The following TSPAN15 variants were observed in gnomAD, a reference collection of about 807,000 sequenced individuals.
The protein encoded by TSPAN15 is tetraspanin-15.
Under a neutral mutation model 34.5 loss-of-function variants are expected in TSPAN15, and 20 were observed. The observed-to-expected ratio is 0.58, with a 90% CI of 0.41 to 0.84. TSPAN15 has a LOEUF of 0.84. Among genes scored for constraint, TSPAN15 ranks in the 40% least tolerant of loss-of-function variants. The pLI is 0.00. For missense variants in TSPAN15, 313 were observed against 386.1 expected (o/e 0.81, Z 1.59); for synonymous variants, 155 against 153.9 (o/e 1.01, Z -0.05).
chr10:69,528,947 G>T, the TSPAN15 span, among the ~76,000 whole-genome samples: 2 of 148,082 alleles, frequency 1.4e-5, no homozygotes, highest in African/African-American at 4.9e-5. Flanking sequence ...ACTCCAGTCC[G>T]TGGGACCGGC....
chr10:69,484,024 T>C, intron 2 of TSPAN15, 148 bp downstream of exon 2: 1 of 768,402 alleles, frequency 1.3e-6, no homozygotes, highest in Non-Finnish European at 2.0e-6. Flanking sequence ...CTGACCACAC[T>C]GGCCCAAGAA....
At chr10:69,508,640 TAACA>T (rs138034580), downstream of TSPAN15, among the ~76,000 whole-genome samples, 1 of 151,772 alleles carries the variant, frequency 6.6e-6, no homozygotes, top group Non-Finnish European at 1.5e-5. Context: ...AACACAACAA[TAACA>T]AACACACCAT....
intron 1 of TSPAN15, among the ~76,000 whole-genome samples, chr10:69,471,839 A>C (rs57896678): frequency 0.062 from 9,446 of 152,150 alleles, 1,013 homozygotes; most frequent in African/African-American, 0.22. Context: ...GTGAACCTTC[A>C]ACTTCCACTT....
intron 1 of TSPAN15, among the ~76,000 whole-genome samples, chr10:69,457,240 G>T (rs1045286101): frequency 6.6e-6 from 1 of 152,216 alleles, no homozygotes; most frequent in Admixed American, 6.5e-5. Context: ...CCTGGGGCCT[G>T]TGCACACAGT....
At chr10:69,539,464 G>GAAGAAGAAGAAGA in the TSPAN15 span, among the ~76,000 whole-genome samples, 34 of 51,332 alleles carry the variant, frequency 6.6e-4, no homozygotes, top group South Asian at 3.8e-3. Flanking sequence ...GAAGAAGAAG[G>GAAGAAGAAGAAGA]AGAAGGAGAA....
At chr10:69,453,246 C>T (rs954665886) in intron 1 of TSPAN15, among the ~76,000 whole-genome samples, 21 of 152,018 alleles carry the variant, frequency 1.4e-4, no homozygotes, top group South Asian at 6.2e-4. Flanking sequence ...TATAAATCAG[C>T]GGTTGCATCA....
the TSPAN15 span, among the ~76,000 whole-genome samples, chr10:69,518,540 C>T: frequency 5.3e-5 from 8 of 152,342 alleles, no homozygotes; most frequent in Non-Finnish European, 1.2e-4. Flanking sequence ...CCTTCTGCCT[C>T]AGCCTCCTGA....
intron 1 of TSPAN15, among the ~76,000 whole-genome samples, chr10:69,470,281 A>G (rs1282124523): frequency 6.6e-6 from 1 of 152,156 alleles, no homozygotes; most frequent in Non-Finnish European, 1.5e-5. Context: ...CTATCTGGCC[A>G]CACCATGGTT....
At chr10:69,455,608 C>CTTTCTTTCTTTCTTTCTTTT (rs1428393903) in intron 1 of TSPAN15, among the ~76,000 whole-genome samples, 1 of 100,342 alleles carries the variant, frequency 1.0e-5, no homozygotes, top group Non-Finnish European at 2.1e-5. Context: ...TTCTTTCTTT[C>CTTTCTTTCTTTCTTTCTTTT]TCTCTCTCTC....
chr10:69,455,629 C>CCT (rs1554830587), intron 1 of TSPAN15, among the ~76,000 whole-genome samples: 9 of 101,360 alleles, frequency 8.9e-5, no homozygotes, highest in Non-Finnish European at 1.9e-4. Context: ...TCTCTCTCCC[C>CCT]CCCCCGTCTC....
At chr10:69,467,301 A>G (rs1841405111) in intron 1 of TSPAN15, among the ~76,000 whole-genome samples, 1 of 152,184 alleles carries the variant, frequency 6.6e-6, no homozygotes, top group African/African-American at 2.4e-5. Flanking sequence ...TTAGTGAAAC[A>G]TCTGGTTTGG....
downstream of TSPAN15, among the ~76,000 whole-genome samples, chr10:69,512,371 A>G (rs543890431): frequency 2.0e-4 from 31 of 152,358 alleles, no homozygotes; most frequent in African/African-American, 6.7e-4. Context: ...TATAAGACAC[A>G]TTAAGGAAGA....
In TSPAN15 at chr10:69,451,505, C is replaced by T. The variant is rs1027597327; in HGVS notation, c.-90C>T. The stretch of plus-strand genomic sequence containing the variant: ...AACGCCGGTGGCGGGGCTGGTAGCC[C>T]GGCAGCCGCAGGTGGGGCCACGAGC... On this transcript the variant is annotated 5_prime_UTR_variant, in exon 1 of 8. Transcript: ENST00000373290. 516 of 1,276,974 alleles carry T rather than the reference C, an allele frequency of 4.0e-4. No homozygotes were observed. The highest frequency in any genetic ancestry group is 5.0e-4 in the Non-Finnish European group (506 of 1,010,234). The allele number at this position is 1,276,974 out of a possible 1,614,324, so 79.1% of individuals were successfully genotyped here.
intron 3 of TSPAN15, 120 bp from the exon 4 acceptor site, chr10:69,495,474 G>A (rs1284150982): frequency 4.3e-6 from 3 of 698,936 alleles, no homozygotes; most frequent in Non-Finnish European, 7.6e-6. Context: ...GCTCCATGCT[G>A]GCTGGGCGCG....
At position 69,498,349 on chromosome 10, in the gene TSPAN15, G is replaced by A. The variant is rs1246084372; in HGVS notation, c.523G>A (p.Gly175Arg). 2.5e-6 allele frequency: 4 copies of A among 1,613,982 alleles called. No homozygotes were observed. In the Admixed American group the frequency reaches 5.0e-5, roughly 20 times the overall value. Residue 175 changes from glycine to arginine, a missense_variant, in exon 5 of 8, where the codon GGA becomes AGA. Transcript: ENST00000373290. ...KNQYHDCSAP[G>R]PLACGVPYTC... The stretch of plus-strand genomic sequence containing the variant: ...TCAGTACCACGACTGCAGTGCCCCT[G>A]GACCCCTGGCCTGTGGGGTGCCCTA...
At chr10:69,541,558 G>A in the TSPAN15 span, among the ~76,000 whole-genome samples, 1 of 152,234 alleles carries the variant, frequency 6.6e-6, no homozygotes, top group Non-Finnish European at 1.5e-5. Flanking sequence ...ACTCTGTGCA[G>A]CAGTGGGCTC....
At chr10:69,483,599 C>G (rs994900456) in intron 1 of TSPAN15, 92 bp from the exon 2 acceptor site, 8 of 1,393,440 alleles carry the variant, frequency 5.7e-6, no homozygotes, top group Middle Eastern at 2.1e-4. Flanking sequence ...GCAAGCCTCC[C>G]CCACAGCAGG....
intron 1 of TSPAN15, among the ~76,000 whole-genome samples, chr10:69,460,638 G>A (rs1841231369): frequency 6.6e-6 from 1 of 152,144 alleles, no homozygotes; most frequent in South Asian, 2.1e-4. Context: ...CCTGACTGTG[G>A]TGGCCTGACC....
the TSPAN15 span, among the ~76,000 whole-genome samples, chr10:69,515,439 C>T: frequency 0.051 from 7,658 of 149,264 alleles, 299 homozygotes; most frequent in Non-Finnish European, 0.076. Context: ...ACCACTTTCA[C>T]GTCCTCCCCC....
Sources: allele counts gnomAD v4.1 joint callset (sites outside exome capture counted in the v4.1 genomes callset), GRCh38; gene constraint gnomAD v4.1.1; transcripts MANE v1.5; gene names NCBI Gene and HGNC (gene_info 2026-07-23, HGNC 2026-07-21).